Variants in ZNF710 observed in about 807,000 individuals in gnomAD.
The protein encoded by ZNF710 is zinc finger protein 710.
ZNF710 carries 13 observed loss-of-function variants against 50.6 expected under a neutral mutation model. That is an observed-to-expected ratio of 0.26 (90% CI 0.17 to 0.41). ZNF710 has a LOEUF of 0.41. ZNF710 is among the 10% of genes least tolerant of loss of function. The pLI is 1.00. For synonymous variants in ZNF710, 383 were observed against 397.0 expected, an observed-to-expected ratio of 0.96 and a Z score of 0.42; for missense variants, 721 against 936.6, an observed-to-expected ratio of 0.77 and a Z score of 3.01.
Position 90,073,365 on chromosome 15 carries a change from C to T in ZNF710, c.1650+103C>T, listed in dbSNP as rs893080804. ...CCACCAAGCGCCAGCCTGGCCAGTG[C>T]GGGCAAGAGGAGCCCCGGCTGGGTG... On this transcript the variant is annotated intron_variant, in intron 3 of 4. Transcript: ENST00000268154. 29 of 1,387,798 alleles carry T rather than the reference C, an allele frequency of 2.1e-5. No individual in the cohort carries two copies. In the Admixed American group the frequency reaches 3.2e-4, roughly 15 times the overall value. The allele number at this position is 1,387,798 out of a possible 1,614,324, so 86.0% of individuals were successfully genotyped here. A position where few individuals can be genotyped will look rare whatever the true frequency, so the allele number is the denominator to read the frequency against.
At chr15:90,058,122 C>T (rs1235454458) in intron 1 of ZNF710, among the ~76,000 whole-genome samples, 1 of 152,082 alleles carries the variant, frequency 6.6e-6, no homozygotes, top group Non-Finnish European at 1.5e-5. Flanking sequence ...ATCAAGAGAG[C>T]GAGGGTTGTC....
intron 1 of ZNF710, chr15:90,045,358 T>A (rs1899426424): frequency 5.1e-6 from 5 of 985,270 alleles, no homozygotes; most frequent in African/African-American, 1.7e-5. Flanking sequence ...TTCAAGGACG[T>A]GAGCCATGGA....
chr15:90,070,500 T>C (rs1900342156), intron 2 of ZNF710, among the ~76,000 whole-genome samples: 1 of 151,666 alleles, frequency 6.6e-6, no homozygotes, highest in Admixed American at 6.6e-5. Flanking sequence ...AGTGAAACCC[T>C]GGCTCTACTA....
chr15:90,060,168 G>A (rs575483057), intron 1 of ZNF710, among the ~76,000 whole-genome samples: 1 of 142,186 alleles, frequency 7.0e-6, no homozygotes, highest in East Asian at 2.1e-4. Flanking sequence ...CTGAGCTTAC[G>A]CAAGTCAACT....
chr15:90,005,686 G>T (rs1182306790), intron 1 of ZNF710, among the ~76,000 whole-genome samples: 1 of 152,212 alleles, frequency 6.6e-6, no homozygotes, highest in East Asian at 1.9e-4. Context: ...TTCACCTCGT[G>T]ATCTGCCCGC....
At chr15:90,044,081 C>G (rs1469126232) in intron 1 of ZNF710, among the ~76,000 whole-genome samples, 1 of 152,152 alleles carries the variant, frequency 6.6e-6, no homozygotes, top group Non-Finnish European at 1.5e-5. Context: ...CAACAACAAA[C>G]AACAAAAACC....
chr15:90,028,881 C>A (rs1898853444), intron 1 of ZNF710, among the ~76,000 whole-genome samples: 1 of 152,156 alleles, frequency 6.6e-6, no homozygotes, highest in Non-Finnish European at 1.5e-5. Flanking sequence ...AGATTGTATA[C>A]ACTGTGATCA....
At chr15:90,079,586 C>T in intron 4 of ZNF710, 74 bp from the exon 5 acceptor site, 1 of 1,562,018 alleles carries the variant, frequency 6.4e-7, no homozygotes, top group Non-Finnish European at 8.7e-7. Context: ...GAAAGGCCAT[C>T]AGCTTCCTGC....
In ZNF710 at chr15:90,062,271, C is replaced by A. The variant is rs1900034744; in HGVS notation, c.-28-4839C>A. ...CTCCCTTCCCCCACTCCCAGCACAA[C>A]TACAATCAGGCAGCTCATCTGTGTC... On this transcript the variant is annotated intron_variant, in intron 1 of 4. Transcript: ENST00000268154. The surrounding 1 kb of genome is among the most constrained non-coding windows in gnomAD (Gnocchi z 5.6). Among the ~76,000 whole-genome samples the A allele has an allele frequency of 6.6e-6, 1 of 151,882 alleles. No homozygotes were observed. Among genetic ancestry groups the A allele is most frequent in the Non-Finnish European group, 1.5e-5 (1 of 67,952 alleles).
At chr15:90,049,200 A>G (rs1054752084) in intron 1 of ZNF710, among the ~76,000 whole-genome samples, 2 of 152,176 alleles carry the variant, frequency 1.3e-5, no homozygotes, top group Non-Finnish European at 2.9e-5. Flanking sequence ...AATCTTCTCT[A>G]CCATCCTGTG....
At chr15:90,064,030 G>T (rs1411129052) in intron 1 of ZNF710, among the ~76,000 whole-genome samples, 1 of 152,218 alleles carries the variant, frequency 6.6e-6, no homozygotes, top group East Asian at 1.9e-4. Context: ...GGAAGCACTG[G>T]CTTGGCCATT....
Position 90,079,621 on chromosome 15 carries a change from G to C in ZNF710, c.1826-39G>C, listed in dbSNP as rs375776974. 2.2e-5 allele frequency: 35 copies of C among 1,598,870 alleles called. No individual in the cohort carries two copies. In the African/African-American group the frequency reaches 4.5e-4, roughly 20 times the overall value. ...CGTGGGGGTGACTGGCTCCTCCCGA[G>C]AGATGGCAGCCAGGTCTGACTGTGC... On this transcript the variant is annotated intron_variant, in intron 4 of 4. Transcript: ENST00000268154.
Position 90,082,089 on chromosome 15 carries a change from C to T in ZNF710, c.*2260C>T, listed in dbSNP as rs754795012. ...TTATTTTGACATGTATACAAACCAA[C>T]TGTTTAGAGATTCCACTTGTGCAAA... On this transcript the variant is annotated 3_prime_UTR_variant, in exon 5 of 5. Transcript: ENST00000268154. 5 of 152,222 alleles carry T rather than the reference C, an allele frequency of 3.3e-5. No homozygotes were observed. The highest frequency in any genetic ancestry group is 6.5e-5 in the Admixed American group (1 of 15,278). 9.4% of individuals were successfully genotyped at this position (152,222 alleles called of 1,614,324 possible).
chr15:90,013,871 C>T (rs372525449), intron 1 of ZNF710, among the ~76,000 whole-genome samples: 5 of 152,146 alleles, frequency 3.3e-5, no homozygotes, highest in African/African-American at 9.7e-5. Flanking sequence ...CGTTCACAGG[C>T]CACTGTTGCA....
Position 90,059,356 on chromosome 15 carries a change from C to T in ZNF710, c.-28-7754C>T, listed in dbSNP as rs950664643. On this transcript the variant is annotated intron_variant, in intron 1 of 4. Transcript: ENST00000268154. The surrounding 1 kb of genome is among the most constrained non-coding windows in gnomAD (Gnocchi z 4.1). ...GCCTACCAAAAGGCTGTGGGGGCTG[C>T]GGGGCCGGAGACCTGCATTCTAGCC... Among the ~76,000 whole-genome samples, 6 of 152,214 alleles carry T rather than the reference C, an allele frequency of 3.9e-5. No homozygotes were observed. Among genetic ancestry groups the T allele is most frequent in the African/African-American group, 1.2e-4 (5 of 41,444 alleles).
At chr15:90,053,673 G>T (rs1899717063) in intron 1 of ZNF710, among the ~76,000 whole-genome samples, 1 of 152,148 alleles carries the variant, frequency 6.6e-6, no homozygotes, top group African/African-American at 2.4e-5. Context: ...GGTCATGGGG[G>T]ATTTCTGCAC....
chr15:90,048,466 CAT>C (rs2151504204), intron 1 of ZNF710, among the ~76,000 whole-genome samples: 1 of 152,308 alleles, frequency 6.6e-6, no homozygotes, highest in Non-Finnish European at 1.5e-5. Context: ...TGGCTGTGCA[CAT>C]GTGAGTGCGT....
At chr15:90,032,058 G>A (rs910215798) in intron 1 of ZNF710, among the ~76,000 whole-genome samples, 5 of 152,100 alleles carry the variant, frequency 3.3e-5, no homozygotes, top group African/African-American at 9.7e-5. Context: ...GTGCAGTGGC[G>A]CGATCTCAGC....
In ZNF710 at chr15:90,073,268, C is replaced by G; in HGVS notation, c.1650+6C>G. The stretch of plus-strand genomic sequence containing the variant: ...TGAAGCCATTCAAATGCAAGGTACC[C>G]GGTCATCAGGCCCCGGGGCTGGGAC... On this transcript the variant is annotated splice_donor_region_variant and intron_variant, in intron 3 of 4. Coordinates refer to ENST00000268154, the MANE Select transcript of ZNF710 (RefSeq NM_198526.4). 6 of 1,609,236 alleles carry G rather than the reference C, an allele frequency of 3.7e-6. No homozygotes were observed. Among genetic ancestry groups the G allele is most frequent in the Non-Finnish European group, 4.3e-6 (5 of 1,176,030 alleles).
Sources: allele counts gnomAD v4.1 joint callset (sites outside exome capture counted in the v4.1 genomes callset), GRCh38; gene constraint gnomAD v4.1.1; non-coding constraint Gnocchi (gnomAD v3.1); transcripts MANE v1.5; gene names NCBI Gene and HGNC (gene_info 2026-07-23, HGNC 2026-07-21).